Variants in CLVS1 observed in about 807,000 individuals in gnomAD.
CLVS1 encodes the protein clavesin 1.
A neutral mutation model predicts 33.1 loss-of-function variants in CLVS1; 10 were observed. The ratio of observed to expected loss-of-function variants is 0.30; its 90% CI spans 0.19 to 0.51. The LOEUF (loss-of-function observed/expected upper bound fraction) is 0.51. Ranked by LOEUF, CLVS1 falls within the 20% of genes least tolerant of loss-of-function variation. The pLI is 0.97. For synonymous variants in CLVS1, 163 were observed against 166.1 expected (o/e 0.98, Z 0.14); for missense variants, 343 against 433.4 (o/e 0.79, Z 1.85).
At chr8:61,207,852 G>A (rs1807888780) in intron 2 of CLVS1, among the ~76,000 whole-genome samples, 1 of 152,222 alleles carries the variant, frequency 6.6e-6, no homozygotes, top group South Asian at 2.1e-4. Flanking sequence ...GGCAGGTGAA[G>A]ATTGAAAAAT....
intron 2 of CLVS1, among the ~76,000 whole-genome samples, chr8:61,313,232 C>A (rs565228403): frequency 3.9e-5 from 6 of 152,160 alleles, no homozygotes; most frequent in Admixed American, 3.9e-4. Context: ...TAAGAGTGAG[C>A]AGGTGAAGGG....
chr8:61,048,844 T>C, the CLVS1 span, among the ~76,000 whole-genome samples: 1 of 152,094 alleles, frequency 6.6e-6, no homozygotes, highest in South Asian at 2.1e-4. Context: ...CCCTCACTGT[T>C]TTTTTCTGTA....
intron 2 of CLVS1, among the ~76,000 whole-genome samples, chr8:61,347,629 TA>T (rs1812268486): frequency 0.022 from 12 of 544 alleles, no homozygotes; most frequent in Non-Finnish European, 0.031. Flanking sequence ...CATTCCATTA[TA>T]TATATATATA....
chr8:60,999,380 T>A, the CLVS1 span, among the ~76,000 whole-genome samples: 6 of 151,960 alleles, frequency 3.9e-5, no homozygotes, highest in Admixed American at 2.0e-4. Context: ...GATGAGGAAG[T>A]GAAACAGTGG....
At chr8:61,472,358 TA>T (rs1239618914) in intron 5 of CLVS1, among the ~76,000 whole-genome samples, 1 of 149,100 alleles carries the variant, frequency 6.7e-6, no homozygotes, top group Non-Finnish European at 1.5e-5. Flanking sequence ...GGAAAGAAGG[TA>T]AAAAAGACAT....
intron 2 of CLVS1, among the ~76,000 whole-genome samples, chr8:61,231,589 T>TG (rs202185375): frequency 8.3e-6 from 1 of 120,046 alleles, no homozygotes; most frequent in Non-Finnish European, 1.8e-5. Context: ...CTCCTAAGTA[T>TG]AAAGAACATT....
intron 5 of CLVS1, chr8:61,458,810 GT>G: frequency 3.1e-6 from 1 of 324,334 alleles, no homozygotes; most frequent in Non-Finnish European, 5.6e-6. Context: ...TCTTCAGGGT[GT>G]TTGTTAATAC....
At chr8:61,392,233 G>A (rs1814331241) in intron 3 of CLVS1, among the ~76,000 whole-genome samples, 1 of 152,010 alleles carries the variant, frequency 6.6e-6, no homozygotes, top group Non-Finnish European at 1.5e-5. Flanking sequence ...TCAGGAGACT[G>A]AAGCAGGAGG....
chr8:61,486,859 T>G (rs1803905474), intron 5 of CLVS1, among the ~76,000 whole-genome samples: 2 of 152,174 alleles, frequency 1.3e-5, no homozygotes, highest in Admixed American at 1.3e-4. Flanking sequence ...CCACCAACTG[T>G]GTATGCTGAG....
At chr8:61,134,517 T>C (rs181676487) in intron 2 of CLVS1, among the ~76,000 whole-genome samples, 1 of 152,374 alleles carries the variant, frequency 6.6e-6, no homozygotes, top group Admixed American at 6.5e-5. Flanking sequence ...TAAAGTTGCA[T>C]TGGAACATAG....
At chr8:61,038,478 A>G in the CLVS1 span, among the ~76,000 whole-genome samples, 1 of 149,560 alleles carries the variant, frequency 6.7e-6, no homozygotes, top group Non-Finnish European at 1.5e-5. Context: ...ATATACACGT[A>G]TATATATATG....
the CLVS1 span, among the ~76,000 whole-genome samples, chr8:61,042,598 G>A: frequency 9.8e-6 from 1 of 101,660 alleles, no homozygotes; most frequent in Non-Finnish European, 1.8e-5. Context: ...TATCACATTG[G>A]GGGATTTCAT....
intron 2 of CLVS1, among the ~76,000 whole-genome samples, chr8:61,257,614 T>C (rs903934994): frequency 5.3e-5 from 8 of 152,168 alleles, no homozygotes; most frequent in Non-Finnish European, 8.8e-5. Context: ...ACAGTGGGCT[T>C]ACTGAGTATT....
intron 1 of CLVS1, among the ~76,000 whole-genome samples, chr8:61,096,967 T>C (rs1370164453): frequency 6.6e-6 from 1 of 152,120 alleles, no homozygotes; most frequent in Non-Finnish European, 1.5e-5. Flanking sequence ...TCCTGCAGGA[T>C]TCTGTGAACG....
chr8:61,400,003 G>T (rs1468030494), intron 3 of CLVS1, among the ~76,000 whole-genome samples: 1 of 152,258 alleles, frequency 6.6e-6, no homozygotes, highest in East Asian at 1.9e-4. Flanking sequence ...GCTTAGGATT[G>T]TCTTGGCTAT....
chr8:61,112,238 A>G (rs1182119502), intron 1 of CLVS1, among the ~76,000 whole-genome samples: 2 of 151,976 alleles, frequency 1.3e-5, no homozygotes, highest in African/African-American at 4.8e-5. Context: ...ACAGAGAGAG[A>G]GAGAGGTTCA....
Position 61,239,068 on chromosome 8 carries a change from G to A in CLVS1, c.-151-60609G>A, listed in dbSNP as rs551057031. On this transcript the variant is annotated intron_variant, in intron 2 of 2. Coordinates refer to the CLVS1 transcript ENST00000522621. Reference sequence around the variant, plus strand: ...TTCAGCATTTTACCTTTGCCACTTGGACAGTTGAAAAATGGTATCTAATTT... The same window carrying A: ...TTCAGCATTTTACCTTTGCCACTTGAACAGTTGAAAAATGGTATCTAATTT... Among the ~76,000 whole-genome samples the A allele has an allele frequency of 7.2e-5, 11 of 152,220 alleles. 1 individual carries two copies. In the South Asian group the frequency reaches 1.2e-3, roughly 17 times the overall value.
intron 2 of CLVS1, among the ~76,000 whole-genome samples, chr8:61,353,535 A>G (rs1027211869): frequency 2.0e-5 from 3 of 151,926 alleles, no homozygotes; most frequent in African/African-American, 4.8e-5. Context: ...TTTAAAAATT[A>G]TGTCCAACTA....
chr8:61,295,907 C>T (rs778294633), intron 1 of CLVS1, among the ~76,000 whole-genome samples: 3 of 152,076 alleles, frequency 2.0e-5, no homozygotes, highest in Non-Finnish European at 2.9e-5. Context: ...ATAATAAATA[C>T]CTATAATAAA....
Sources: gnomAD v4.1 joint callset for allele counts (sites outside exome capture counted in the v4.1 genomes callset) on GRCh38, gnomAD v4.1.1 for gene constraint, MANE v1.5 for transcripts, NCBI Gene and HGNC (gene_info 2026-07-23, HGNC 2026-07-21) for gene names.